RABGAP1L: variants seen among roughly 807,000 people sequenced by gnomAD.
RABGAP1L encodes RAB GTPase activating protein 1 like.
In RABGAP1L, 63 loss-of-function variants were observed where a neutral mutation model predicts 137.7. The ratio of observed to expected loss-of-function variants is 0.46; its 90% CI spans 0.37 to 0.56. The LOEUF is 0.56. RABGAP1L is among the 20% of genes least tolerant of loss of function. The pLI is 0.00. For missense variants in RABGAP1L, 1,095 were observed against 1,244.0 expected, an observed-to-expected ratio of 0.88 and a Z score of 1.80; for synonymous variants, 431 against 433.7, an observed-to-expected ratio of 0.99 and a Z score of 0.08.
At chr1:174,377,054 T>C (rs1685608668) in intron 12 of RABGAP1L, among the ~76,000 whole-genome samples, 1 of 152,164 alleles carries the variant, frequency 6.6e-6, no homozygotes, top group Admixed American at 6.5e-5. Flanking sequence ...GTTTCATTTC[T>C]ATACACTGGC....
At chr1:174,498,781 G>A (rs1572063312) in intron 13 of RABGAP1L, among the ~76,000 whole-genome samples, 1 of 151,826 alleles carries the variant, frequency 6.6e-6, no homozygotes, top group African/African-American at 2.4e-5. Context: ...AAAGTGCTAG[G>A]ATTACAGGTG....
intron 13 of RABGAP1L, among the ~76,000 whole-genome samples, chr1:174,581,651 A>G (rs1668756737): frequency 6.6e-6 from 1 of 152,206 alleles, no homozygotes; most frequent in Non-Finnish European, 1.5e-5. Context: ...GAATATGCCA[A>G]AAGTCATGGA....
intron 19 of RABGAP1L, among the ~76,000 whole-genome samples, chr1:174,939,558 A>G (rs929775570): frequency 6.6e-6 from 1 of 152,078 alleles, no homozygotes; most frequent in Admixed American, 6.5e-5. Flanking sequence ...AAAAAAAAAA[A>G]AAAAGAAAAA....
chr1:174,494,643 A>G (rs1395769822), intron 13 of RABGAP1L, among the ~76,000 whole-genome samples: 1 of 152,190 alleles, frequency 6.6e-6, no homozygotes, highest in Non-Finnish European at 1.5e-5. Context: ...GCCAGTAGAA[A>G]GAATTCCTAA....
chr1:174,957,531 C>G lies in RABGAP1L; in HGVS notation c.2415C>G (p.Asp805Glu). Residue 805 changes from aspartate (D) to glutamate (E), a missense_variant, in exon 20 of 26, where the codon GAC becomes GAG. Asp to Glu is a conservative substitution (Grantham distance 45). This residue lies in a region of RABGAP1L where 312 missense variants were observed against 435.6 expected (regional missense o/e 0.72). Transcript: ENST00000681986. ...GAGAGAGTCAGCTGCAACAGGAAGACCCAATGGATAGATACAAGGTATGAG... is the reference window on the plus strand; with the variant it reads ...GAGAGAGTCAGCTGCAACAGGAAGAGCCAATGGATAGATACAAGGTATGAG... ...TMRESQLQQEDPMDRYKRENR... is the reference protein window; with the variant it reads ...TMRESQLQQEEPMDRYKRENR... 1 of 1,608,006 alleles carries G rather than the reference C, an allele frequency of 6.2e-7. No homozygotes were observed. Among genetic ancestry groups the G allele is most frequent in the Non-Finnish European group, 8.5e-7 (1 of 1,174,628 alleles).
chr1:174,773,399 G>T (rs939810920), intron 18 of RABGAP1L, among the ~76,000 whole-genome samples: 9 of 152,086 alleles, frequency 5.9e-5, no homozygotes, highest in Admixed American at 5.9e-4. Flanking sequence ...AAGCCAGGTG[G>T]CTCTCACTAA....
intron 3 of RABGAP1L, among the ~76,000 whole-genome samples, chr1:174,228,156 A>C (rs546280256): frequency 6.6e-6 from 1 of 152,064 alleles, no homozygotes; most frequent in Non-Finnish European, 1.5e-5. Context: ...TCATATTTAT[A>C]ATAGTCGTAT....
In RABGAP1L at chr1:174,448,062, G is replaced by A. The variant is rs369283013; in HGVS notation, c.1710+53917G>A. On this transcript the variant is annotated intron_variant, in intron 13 of 25. Transcript: ENST00000681986. The surrounding 1 kb of genome is among the most constrained non-coding windows in gnomAD (Gnocchi z 4.2). The stretch of plus-strand genomic sequence containing the variant: ...CGGTGTTTAACAGATGCTGGGCAGG[G>A]CATCTGCTTGCTGTAGCCAAGTCTG... 1.3e-6 allele frequency: 2 copies of A among 1,532,910 alleles called. No individual in the cohort carries two copies. The highest frequency in any genetic ancestry group is 2.2e-5 in the East Asian group (1 of 44,480). 95.0% of individuals were successfully genotyped at this position (1,532,910 alleles called of 1,614,324 possible).
chr1:174,680,337 GA>G (rs2148471824), intron 14 of RABGAP1L, among the ~76,000 whole-genome samples: 1 of 152,302 alleles, frequency 6.6e-6, no homozygotes, highest in East Asian at 1.9e-4. Context: ...AAAGAGGCCG[GA>G]AGGATCTTGT....
At chr1:174,972,846 T>C (rs1299889620) in intron 21 of RABGAP1L, among the ~76,000 whole-genome samples, 2 of 101,760 alleles carry the variant, frequency 2.0e-5, no homozygotes, top group South Asian at 3.4e-4. Flanking sequence ...AGAGCGAGAC[T>C]CTGTCTCAAA....
chr1:174,717,797 A>G (rs1416624002), intron 17 of RABGAP1L, among the ~76,000 whole-genome samples: 1 of 152,198 alleles, frequency 6.6e-6, no homozygotes, highest in Admixed American at 6.5e-5. Flanking sequence ...TGCTGGTTCT[A>G]TGAGAGTCTT....
chr1:174,611,899 T>A (rs1490298047), intron 13 of RABGAP1L, among the ~76,000 whole-genome samples: 1 of 152,254 alleles, frequency 6.6e-6, no homozygotes, highest in Non-Finnish European at 1.5e-5. Context: ...TTTTTGCACA[T>A]TGATTTTGTT....
At chr1:174,709,448 C>T (rs535835011) in intron 17 of RABGAP1L, among the ~76,000 whole-genome samples, 1 of 152,308 alleles carries the variant, frequency 6.6e-6, no homozygotes, top group East Asian at 1.9e-4. Context: ...CTGGCAGGTG[C>T]CCCTCTCTGA....
intron 13 of RABGAP1L, among the ~76,000 whole-genome samples, chr1:174,477,559 G>C (rs929019568): frequency 6.6e-6 from 1 of 152,132 alleles, no homozygotes; most frequent in African/African-American, 2.4e-5. Flanking sequence ...GCTTTCTATA[G>C]CATTGTTTTC....
At chr1:174,197,466 A>G (rs1243015103) in intron 1 of RABGAP1L, among the ~76,000 whole-genome samples, 1 of 152,204 alleles carries the variant, frequency 6.6e-6, no homozygotes, top group Non-Finnish European at 1.5e-5. Flanking sequence ...CTGAGTTTCC[A>G]CGTAATACAC....
rs1263862456 is a variant in RABGAP1L, at chr1:174,946,971, T to C, written c.2341-10486T>C. On this transcript the variant is annotated intron_variant, in intron 19 of 25. Transcript: ENST00000681986. Reference sequence around the variant, plus strand: ...GTGTGTGTGTGTGTGTGTGTGTGTGTGTGTGTGTGTATATATATGTATATA... The same window carrying C: ...GTGTGTGTGTGTGTGTGTGTGTGTGCGTGTGTGTGTATATATATGTATATA... 6.8e-5 allele frequency among the ~76,000 whole-genome samples: 9 copies of C among 131,770 alleles called. 1 individual carries two copies. The highest frequency in any genetic ancestry group is 1.1e-4 in the Non-Finnish European group (7 of 61,990). 86.4% of individuals were successfully genotyped at this position (131,770 alleles called of 152,430 possible).
chr1:174,756,820 G>C (rs1280417849), intron 18 of RABGAP1L: 5 of 560,952 alleles, frequency 8.9e-6, no homozygotes, highest in Non-Finnish European at 1.7e-5. Context: ...TCCGGATGAG[G>C]GCTGGGGATT....
chr1:174,231,494 T>A (rs1670646920), intron 4 of RABGAP1L, 139 bp downstream of exon 4: 1 of 759,462 alleles, frequency 1.3e-6, no homozygotes, highest in Non-Finnish European at 2.2e-6. Context: ...AGGCTTAGAC[T>A]GTGTTCATTG....
chr1:174,973,693 C>T (rs1266090285), intron 21 of RABGAP1L, among the ~76,000 whole-genome samples: 2 of 151,882 alleles, frequency 1.3e-5, no homozygotes, highest in Non-Finnish European at 2.9e-5. Flanking sequence ...CCAGCATTTA[C>T]TTTAAAACAT....
Sources: gnomAD v4.1 joint callset for allele counts (sites outside exome capture counted in the v4.1 genomes callset) on GRCh38, gnomAD v4.1.1 for gene constraint, gnomAD v4.1.1 regional missense constraint, Gnocchi (gnomAD v3.1) non-coding constraint, MANE v1.5 for transcripts, NCBI Gene and HGNC (gene_info 2026-07-23, HGNC 2026-07-21) for gene names.